Variants in KLRC1 observed in about 807,000 individuals in gnomAD.
The protein encoded by KLRC1 is killer cell lectin like receptor C1, also known as NKG2-A/NKG2-B type II integral membrane protein.
In KLRC1, 22 loss-of-function variants were observed where a neutral mutation model predicts 25.9. The observed-to-expected ratio is 0.85, with a 90% CI of 0.61 to 1.21. The LOEUF is 1.21. Among genes scored for constraint, KLRC1 ranks in the 50% most tolerant of loss-of-function variants. KLRC1 has a pLI of 0.00. For synonymous variants in KLRC1, 77 were observed against 93.1 expected (o/e 0.83, Z 0.99); for missense variants, 240 against 272.2 (o/e 0.88, Z 0.83).
chr12:10,454,592 A>G (rs1030687570), upstream of KLRC1: 1 of 984,982 alleles, frequency 1.0e-6, no homozygotes, highest in African/African-American at 1.7e-5. Context: ...TGGGAGACAT[A>G]TACATCTGTA....
At chr12:10,444,570 T>C (rs180909155), downstream of KLRC1, among the ~76,000 whole-genome samples, 1 of 152,324 alleles carries the variant, frequency 6.6e-6, no homozygotes, top group East Asian at 1.9e-4. Flanking sequence ...TTTTAATGTC[T>C]ATATGAAATA....
At chr12:10,445,508 C>A (rs115271836), downstream of KLRC1, among the ~76,000 whole-genome samples, 1 of 151,764 alleles carries the variant, frequency 6.6e-6, no homozygotes, top group Non-Finnish European at 1.5e-5. Context: ...AATCAGAAAA[C>A]GATACATATG....
chr12:10,452,444 CTATTTT>C (rs1324029818), intron 1 of KLRC1, among the ~76,000 whole-genome samples: 1 of 152,056 alleles, frequency 6.6e-6, no homozygotes, highest in East Asian at 1.9e-4. Context: ...AAAAGTTATT[CTATTTT>C]TAATAACCCA....
At chr12:10,445,200 C>G (rs534043044), downstream of KLRC1, among the ~76,000 whole-genome samples, 6 of 152,106 alleles carry the variant, frequency 3.9e-5, no homozygotes, top group South Asian at 2.1e-4. Flanking sequence ...TTACAGACAT[C>G]AGCCACCACA....
At chr12:10,451,591 G>A (rs1565513993) in intron 1 of KLRC1, among the ~76,000 whole-genome samples, 1 of 152,080 alleles carries the variant, frequency 6.6e-6, no homozygotes, top group Non-Finnish European at 1.5e-5. Context: ...GGGCGGCAGA[G>A]GTTGCAGTGA....
chr12:10,453,895 T>C (rs1274315594), upstream of KLRC1, among the ~76,000 whole-genome samples: 1 of 152,188 alleles, frequency 6.6e-6, no homozygotes, highest in Admixed American at 6.5e-5. Context: ...AATAGATTAT[T>C]TAATCTTCAG....
chr12:10,449,534 C>G (rs747802649), intron 4 of KLRC1, 146 bp from the exon 5 acceptor site: 23 of 1,397,208 alleles, frequency 1.6e-5, no homozygotes, highest in Non-Finnish European at 2.2e-5. Flanking sequence ...TGTCAAAATA[C>G]CCAGTCACTT....
chr12:10,449,129 A>G, intron 5 of KLRC1, 108 bp downstream of exon 5: 1 of 1,396,050 alleles, frequency 7.2e-7, no homozygotes, highest in Non-Finnish European at 9.9e-7. Flanking sequence ...CATAAACTTG[A>G]AAACATATAA....
At chr12:10,445,709 C>A (rs187699020), downstream of KLRC1, among the ~76,000 whole-genome samples, 31 of 152,136 alleles carry the variant, frequency 2.0e-4, no homozygotes, top group East Asian at 3.5e-3. Flanking sequence ...AATAGATTTA[C>A]ATATATAAAA....
intron 3 of KLRC1, 87 bp downstream of exon 3, chr12:10,450,397 T>C: frequency 1.4e-6 from 1 of 735,574 alleles, no homozygotes; most frequent in South Asian, 1.8e-5. Flanking sequence ...CAATGAGAAC[T>C]CTATTCCCTG....
chr12:10,446,014 A>T (rs1749413258), downstream of KLRC1: 1 of 150,262 alleles, frequency 6.7e-6, no homozygotes, highest in Admixed American at 6.6e-5. Context: ...GTCACAAATA[A>T]TCCCAGGAGA....
Position 10,453,237 on chromosome 12 carries a change from G to T in KLRC1, c.-71C>A, listed in dbSNP as rs1297264512. ...AAGTCACACATCCTTTAGTGGAGAG[G>T]CCAGGTTAGTCTCATAAAAAGGCCT... On this transcript the variant is annotated 5_prime_UTR_variant, in exon 1 of 7. Transcript: ENST00000359151. 2.0e-6 allele frequency: 2 copies of T among 985,160 alleles called. No individual in the cohort carries two copies. The highest frequency in any genetic ancestry group is 1.2e-4 in the Admixed American group (2 of 16,252). 61.0% of individuals were successfully genotyped at this position (985,160 alleles called of 1,614,324 possible).
downstream of KLRC1, among the ~76,000 whole-genome samples, chr12:10,443,379 C>A (rs1315516269): frequency 4.3e-5 from 6 of 140,012 alleles, 1 homozygote; most frequent in Admixed American, 4.2e-4. Flanking sequence ...ACTGGTAGAA[C>A]ACTATTACAG....
intron 1 of KLRC1, among the ~76,000 whole-genome samples, chr12:10,451,474 G>A (rs1020169774): frequency 6.6e-6 from 1 of 152,046 alleles, no homozygotes; most frequent in Non-Finnish European, 1.5e-5. Context: ...TGGCTAACAC[G>A]GTGAAACTCC....
intron 1 of KLRC1, 129 bp from the exon 2 acceptor site, chr12:10,451,316 T>A: frequency 2.0e-6 from 1 of 504,192 alleles, no homozygotes; most frequent in Non-Finnish European, 3.1e-6. Flanking sequence ...GTTCTTTCTC[T>A]GATTTTCTTC....
intron 1 of KLRC1, among the ~76,000 whole-genome samples, chr12:10,451,914 A>C (rs901202725): frequency 2.0e-5 from 3 of 151,984 alleles, no homozygotes; most frequent in Non-Finnish European, 4.4e-5. Flanking sequence ...TATATATATA[A>C]AAATTTCTTG....
chr12:10,454,460 G>C (rs1254631181), upstream of KLRC1: 2 of 219,198 alleles, frequency 9.1e-6, no homozygotes. Context: ...TCACACACTA[G>C]TGTCTCAGGA....
At position 10,450,967 on chromosome 12, in the gene KLRC1, T is replaced by C. The variant is rs2137897372; in HGVS notation, c.187+3A>G. 3 of 1,602,632 alleles carry C rather than the reference T, an allele frequency of 1.9e-6. No homozygotes were observed. The highest frequency in any genetic ancestry group is 1.7e-6 in the Non-Finnish European group (2 of 1,173,258). On this transcript the variant is annotated splice_donor_region_variant and intron_variant, in intron 2 of 6. Transcript: ENST00000359151. ...TATATTGAGGATCTTTTAAATGCTT[T>C]ACCTTTGCAGTGATAGGTTTTGTCA...
downstream of KLRC1, among the ~76,000 whole-genome samples, chr12:10,445,692 T>A (rs1863970795): frequency 6.6e-6 from 1 of 152,108 alleles, no homozygotes; most frequent in Admixed American, 6.5e-5. Context: ...AAATCAATAG[T>A]TGACATAATA....
Sources: gnomAD v4.1 joint callset for allele counts (sites outside exome capture counted in the v4.1 genomes callset) on GRCh38, gnomAD v4.1.1 for gene constraint, MANE v1.5 for transcripts, NCBI Gene and HGNC (gene_info 2026-07-23, HGNC 2026-07-21) for gene names.